Variants in KCNIP1 observed in about 807,000 individuals in gnomAD.
KCNIP1 encodes the protein potassium voltage-gated channel interacting protein 1.
KCNIP1 carries 18 observed loss-of-function variants against 33.0 expected under a neutral mutation model. The observed-to-expected ratio is 0.55, with a 90% CI of 0.38 to 0.81. The LOEUF (loss-of-function observed/expected upper bound fraction) is 0.81. KCNIP1 is among the 30% of genes least tolerant of loss of function. The pLI is 0.00. For synonymous variants in KCNIP1, 93 were observed against 98.3 expected (o/e 0.95, Z 0.32); for missense variants, 238 against 271.6 (o/e 0.88, Z 0.87).
At chr5:170,510,685 C>A (rs1217866669) in intron 1 of KCNIP1, among the ~76,000 whole-genome samples, 1 of 152,270 alleles carries the variant, frequency 6.6e-6, no homozygotes, top group South Asian at 2.1e-4. Flanking sequence ...CTTCCCGTAC[C>A]CCAGCCATGG....
intron 1 of KCNIP1, among the ~76,000 whole-genome samples, chr5:170,430,015 A>C (rs1010951089): frequency 1.3e-5 from 2 of 152,132 alleles, no homozygotes; most frequent in Non-Finnish European, 2.9e-5. Context: ...AAAGACTCCC[A>C]CTGATGTCCC....
chr5:170,695,664 T>G (rs1334974400), intron 1 of KCNIP1, among the ~76,000 whole-genome samples: 1 of 152,230 alleles, frequency 6.6e-6, no homozygotes, highest in Non-Finnish European at 1.5e-5. Context: ...TTGACACTTC[T>G]GCTTCCCATT....
intron 1 of KCNIP1, among the ~76,000 whole-genome samples, chr5:170,415,944 C>CAGGA (rs1755318239): frequency 6.6e-6 from 1 of 152,076 alleles, no homozygotes; most frequent in Admixed American, 6.6e-5. Flanking sequence ...AGCTCTCAGG[C>CAGGA]AGGAACAGGT....
intron 1 of KCNIP1, among the ~76,000 whole-genome samples, chr5:170,367,439 GAAAGA>G (rs1763722021): frequency 7.4e-6 from 1 of 134,564 alleles, no homozygotes; most frequent in Non-Finnish European, 1.6e-5. Context: ...AGAAAGAAAG[GAAAGA>G]AAGGAAAGAA....
chr5:170,484,938 T>C (rs1757053778), intron 1 of KCNIP1, among the ~76,000 whole-genome samples: 1 of 81,346 alleles, frequency 1.2e-5, no homozygotes, highest in Admixed American at 1.2e-4. Flanking sequence ...GTTTTTTCTT[T>C]TTTCTTTTTT....
intron 1 of KCNIP1, among the ~76,000 whole-genome samples, chr5:170,545,882 T>C (rs896884727): frequency 6.6e-6 from 1 of 152,252 alleles, no homozygotes; most frequent in Non-Finnish European, 1.5e-5. Flanking sequence ...GCTTCTTTTC[T>C]TTTCTCTTCT....
chr5:170,611,184 A>T (rs1236925777), intron 1 of KCNIP1, among the ~76,000 whole-genome samples: 2 of 152,326 alleles, frequency 1.3e-5, no homozygotes, highest in Admixed American at 6.5e-5. Context: ...CCAGCTGGGC[A>T]GGAAGGAAGC....
At chr5:170,534,646 G>A (rs1755906815) in intron 1 of KCNIP1, among the ~76,000 whole-genome samples, 1 of 152,008 alleles carries the variant, frequency 6.6e-6, no homozygotes, top group Non-Finnish European at 1.5e-5. Context: ...AACCTCCCAA[G>A]TAGCTGGGAC....
intron 1 of KCNIP1, among the ~76,000 whole-genome samples, chr5:170,483,457 TA>T (rs1757019972): frequency 6.6e-6 from 1 of 152,214 alleles, no homozygotes; most frequent in Non-Finnish European, 1.5e-5. Flanking sequence ...TCTTTTTCTT[TA>T]AGGATATCTG....
chr5:170,499,462 T>C (rs891629893), upstream of KCNIP1, among the ~76,000 whole-genome samples: 3 of 152,214 alleles, frequency 2.0e-5, no homozygotes, highest in Admixed American at 1.3e-4. Flanking sequence ...AAAGGAATTA[T>C]GAAAGTAATC....
At chr5:170,707,882 C>T (rs1290450925) in intron 1 of KCNIP1, among the ~76,000 whole-genome samples, 1 of 151,690 alleles carries the variant, frequency 6.6e-6, no homozygotes, top group Non-Finnish European at 1.5e-5. Context: ...TTAAAAGGAG[C>T]AGGAGGGGTT....
chr5:170,711,465 G>A (rs183110108), intron 1 of KCNIP1, among the ~76,000 whole-genome samples: 13 of 152,178 alleles, frequency 8.5e-5, no homozygotes, highest in Non-Finnish European at 1.5e-4. Context: ...ACTATTCTGC[G>A]TAATGCTGTA....
chr5:170,643,709 G>A (rs2113704736), intron 1 of KCNIP1, among the ~76,000 whole-genome samples: 1 of 152,352 alleles, frequency 6.6e-6, no homozygotes. Context: ...TGGCCTCTGT[G>A]TCTTCTTCGC....
At chr5:170,531,857 C>T (rs1035365568) in intron 1 of KCNIP1, among the ~76,000 whole-genome samples, 2 of 142,384 alleles carry the variant, frequency 1.4e-5, no homozygotes, top group African/African-American at 5.2e-5. Flanking sequence ...AAGCAGTTGT[C>T]CTGTCCTCTA....
intron 1 of KCNIP1, among the ~76,000 whole-genome samples, chr5:170,368,042 T>C (rs900424002): frequency 2.6e-5 from 4 of 152,208 alleles, no homozygotes; most frequent in South Asian, 4.1e-4. Flanking sequence ...TATTAAACTG[T>C]TGAAAAATTA....
chr5:170,583,246 T>C (rs760838022), intron 1 of KCNIP1, among the ~76,000 whole-genome samples: 1 of 152,256 alleles, frequency 6.6e-6, no homozygotes, highest in Non-Finnish European at 1.5e-5. Context: ...ACCCTTCTCA[T>C]GACCACTAGC....
rs1414021736 is a variant in KCNIP1, at chr5:170,504,529, G to A, written c.-44G>A. ...GGGATTTCTTTCCAGGGTAGGGGAG[G>A]GGCCGGGCCCGGGGTCCCAACTCGC... is the stretch of plus-strand genomic sequence containing the variant. On this transcript the variant is annotated 5_prime_UTR_variant, in exon 1 of 8. Coordinates refer to ENST00000328939, the MANE Select transcript of KCNIP1 (RefSeq NM_014592.4). The surrounding 1 kb of genome is among the most constrained non-coding windows in gnomAD (Gnocchi z 6.0). 1.9e-6 allele frequency: 3 copies of A among 1,610,766 alleles called. No individual in the cohort carries two copies. Among genetic ancestry groups the A allele is most frequent in the Non-Finnish European group, 2.5e-6 (3 of 1,179,918 alleles).
chr5:170,452,425 G>T (rs1322959259), intron 1 of KCNIP1, among the ~76,000 whole-genome samples: 2 of 152,176 alleles, frequency 1.3e-5, no homozygotes, highest in Non-Finnish European at 2.9e-5. Flanking sequence ...ACCTCTGATT[G>T]CCCATTGTAA....
chr5:170,630,501 C>T (rs1482054421), intron 1 of KCNIP1, among the ~76,000 whole-genome samples: 6 of 152,186 alleles, frequency 3.9e-5, no homozygotes, highest in East Asian at 3.9e-4. Flanking sequence ...GTCGTTATGT[C>T]GCTGGAGCCC....
Sources: allele counts gnomAD v4.1 joint callset (sites outside exome capture counted in the v4.1 genomes callset), GRCh38; gene constraint gnomAD v4.1.1; non-coding constraint Gnocchi (gnomAD v3.1); transcripts MANE v1.5; gene names NCBI Gene and HGNC (gene_info 2026-07-23, HGNC 2026-07-21).